EMSY: variants seen among roughly 807,000 people sequenced by gnomAD.
The protein encoded by EMSY is BRCA2-interacting transcriptional repressor EMSY.
Under a neutral mutation model 134.6 loss-of-function variants are expected in EMSY, and 26 were observed. The observed-to-expected ratio is 0.19, with a 90% CI of 0.14 to 0.27. The LOEUF (loss-of-function observed/expected upper bound fraction) is 0.27. EMSY is among the 10% of genes least tolerant of loss of function. The pLI, the probability that EMSY is intolerant of heterozygous loss-of-function variation, is 1.00. For synonymous variants in EMSY, 579 were observed against 577.8 expected (o/e 1.00, Z -0.03); for missense variants, 1,305 against 1,611.4 (o/e 0.81, Z 3.26).
At chr11:76,548,035 C>A (rs544416975) in intron 20 of EMSY, among the ~76,000 whole-genome samples, 95 of 152,272 alleles carry the variant, frequency 6.2e-4, no homozygotes, top group Non-Finnish European at 1.1e-3. Context: ...ACCTATATAT[C>A]TCTTTTTCTT....
At chr11:76,542,757 T>TTTGTTTG (rs1489144860) in intron 18 of EMSY, among the ~76,000 whole-genome samples, 3 of 150,278 alleles carry the variant, frequency 2.0e-5, no homozygotes, top group African/African-American at 2.4e-5. Context: ...TTTTTTGTTT[T>TTTGTTTG]TTTTTTTTTT....
At chr11:76,486,770 A>G (rs1281637868) in intron 8 of EMSY, among the ~76,000 whole-genome samples, 1 of 152,208 alleles carries the variant, frequency 6.6e-6, no homozygotes, top group Non-Finnish European at 1.5e-5. Flanking sequence ...GTTGACTGAT[A>G]GTGAAATAGC....
chr11:76,544,646 C>G (rs1187087425), exon 19 of EMSY: 2 of 1,614,168 alleles, frequency 1.2e-6, no homozygotes, highest in Non-Finnish European at 1.7e-6. Context: ...CAGGCAGCTT[C>G]CTACCTTAAT....
intron 12 of EMSY, among the ~76,000 whole-genome samples, chr11:76,524,025 G>A (rs1419861817): frequency 2.0e-5 from 3 of 151,950 alleles, no homozygotes; most frequent in Admixed American, 2.0e-4. Flanking sequence ...ACTCCAGACT[G>A]GGCAACAGAG....
chr11:76,484,778 C>T (rs1344860394), intron 8 of EMSY, among the ~76,000 whole-genome samples: 1 of 151,856 alleles, frequency 6.6e-6, no homozygotes, highest in Non-Finnish European at 1.5e-5. Context: ...ACTAAAAATA[C>T]AAAAAATTAG....
chr11:76,513,315 C>T (rs1950340911), intron 9 of EMSY, 71 bp from the exon 11 acceptor site: 7 of 1,475,998 alleles, frequency 4.7e-6, no homozygotes, highest in Non-Finnish European at 6.4e-6. Flanking sequence ...GACTACTGCC[C>T]TCTTGGGTTG....
exon 19 of EMSY, chr11:76,544,504 C>T: frequency 6.2e-7 from 1 of 1,614,164 alleles, no homozygotes; most frequent in Non-Finnish European, 8.5e-7. Context: ...TGCAGGCAGA[C>T]CAGCTCCAGC....
At chr11:76,450,295 T>C (rs1449191388) in intron 2 of EMSY, among the ~76,000 whole-genome samples, 1 of 152,148 alleles carries the variant, frequency 6.6e-6, no homozygotes, top group Non-Finnish European at 1.5e-5. Context: ...CCTAATGCTT[T>C]TTCTGGACTC....
intron 8 of EMSY, among the ~76,000 whole-genome samples, chr11:76,493,978 AC>A (rs1949527612): frequency 6.6e-6 from 1 of 152,060 alleles, no homozygotes; most frequent in South Asian, 2.1e-4. Context: ...CCTCTTTGGG[AC>A]TCTGTGGTTC....
At chr11:76,531,071 C>T (rs1951025466) in intron 14 of EMSY, among the ~76,000 whole-genome samples, 1 of 151,938 alleles carries the variant, frequency 6.6e-6, no homozygotes, top group African/African-American at 2.4e-5. Flanking sequence ...CCCCCTTCTG[C>T]TGTGTGTGTG....
chr11:76,469,398 A>G (rs1948486716), intron 7 of EMSY, among the ~76,000 whole-genome samples: 1 of 152,152 alleles, frequency 6.6e-6, no homozygotes, highest in South Asian at 2.1e-4. Flanking sequence ...TACTACTCTA[A>G]TGGTTTGGCT....
exon 11 of EMSY, chr11:76,516,232 C>A (rs1218646757): frequency 6.2e-7 from 1 of 1,613,120 alleles, no homozygotes; most frequent in Non-Finnish European, 8.5e-7. Context: ...GTGAAAACTA[C>A]GAGTGGTAGC....
chr11:76,487,211 C>T (rs1288812644), intron 8 of EMSY, among the ~76,000 whole-genome samples: 7 of 152,164 alleles, frequency 4.6e-5, no homozygotes, highest in East Asian at 1.9e-4. Flanking sequence ...ACCCGGGAGG[C>T]GGAGCTTGCA....
At chr11:76,549,043 A>T (rs1297626156) in intron 20 of EMSY, among the ~76,000 whole-genome samples, 2 of 152,220 alleles carry the variant, frequency 1.3e-5, no homozygotes, top group Non-Finnish European at 2.9e-5. Flanking sequence ...ACAGATGATA[A>T]ATGCAATGAA....
At chr11:76,526,440 A>G (rs1178689539) in intron 12 of EMSY, 22 bp from the exon 14 acceptor site, 2 of 1,576,496 alleles carry the variant, frequency 1.3e-6, no homozygotes, top group Non-Finnish European at 1.7e-6. Flanking sequence ...AATCTCTTAT[A>G]TAATCATTGA....
At chr11:76,524,473 G>A (rs1278320795) in intron 12 of EMSY, among the ~76,000 whole-genome samples, 2 of 152,038 alleles carry the variant, frequency 1.3e-5, no homozygotes, top group Non-Finnish European at 2.9e-5. Flanking sequence ...TCAATGTGTG[G>A]GAAAACAGAT....
At chr11:76,476,559 C>T (rs1565295634) in intron 8 of EMSY, among the ~76,000 whole-genome samples, 1 of 152,188 alleles carries the variant, frequency 6.6e-6, no homozygotes, top group Non-Finnish European at 1.5e-5. Context: ...TTTCACTCCC[C>T]ATATTACTAA....
chr11:76,497,807 CCTTTG>C (rs1949712600), intron 9 of EMSY, among the ~76,000 whole-genome samples: 1 of 151,706 alleles, frequency 6.6e-6, no homozygotes, highest in Non-Finnish European at 1.5e-5. Flanking sequence ...ATTGATTTTT[CCTTTG>C]CTTTTCTGTT....
intron 8 of EMSY, among the ~76,000 whole-genome samples, chr11:76,488,373 A>G (rs1460733249): frequency 6.6e-6 from 1 of 152,206 alleles, no homozygotes; most frequent in African/African-American, 2.4e-5. Flanking sequence ...AGCCTGAGTC[A>G]GGAGGATTGC....
Sources: gnomAD v4.1 joint callset for allele counts (sites outside exome capture counted in the v4.1 genomes callset) on GRCh38, gnomAD v4.1.1 for gene constraint, MANE v1.5 for transcripts, NCBI Gene and HGNC (gene_info 2026-07-23, HGNC 2026-07-21) for gene names.